The following KHDRBS2 variants were observed in gnomAD, a reference collection of about 807,000 sequenced individuals.
KHDRBS2 encodes KH domain-containing, RNA-binding, signal transduction-associated protein 2.
KHDRBS2 carries 26 observed loss-of-function variants against 44.3 expected under a neutral mutation model. The observed-to-expected ratio is 0.59, with a 90% CI of 0.43 to 0.81. The LOEUF (loss-of-function observed/expected upper bound fraction) is 0.81, where lower values mean the gene tolerates loss of function less well. Ranked by LOEUF, KHDRBS2 falls within the 40% of genes least tolerant of loss-of-function variation. The probability of loss-of-function intolerance (pLI) is 0.00; values close to 1 mark genes in which losing one functional copy is unlikely to be tolerated. For synonymous variants in KHDRBS2, 194 were observed against 151.1 expected (o/e 1.28, Z -2.08); for missense variants, 476 against 433.1 (o/e 1.10, Z -0.88).
chr6:61,982,823 T>C (rs1774139914), intron 3 of KHDRBS2, among the ~76,000 whole-genome samples: 1 of 152,138 alleles, frequency 6.6e-6, no homozygotes, highest in Admixed American at 6.5e-5. Context: ...AGGGTGATTA[T>C]AATTTGTTAT....
At chr6:61,954,373 ATGTATGCATGCATACATATATACG>A (rs1765510930) in intron 4 of KHDRBS2, among the ~76,000 whole-genome samples, 2 of 82,028 alleles carry the variant, frequency 2.4e-5, no homozygotes, top group Non-Finnish European at 3.2e-5. Context: ...ATATATACGT[ATGTATGCATGCATACATATATACG>A]TATGTATGCA....
intron 6 of KHDRBS2, among the ~76,000 whole-genome samples, chr6:61,834,834 C>G (rs552776449): frequency 6.6e-6 from 1 of 151,938 alleles, no homozygotes; most frequent in Non-Finnish European, 1.5e-5. Context: ...TTACAATTTT[C>G]GGTCAAGCTT....
chr6:61,689,313 C>T (rs1293550872), intron 8 of KHDRBS2, among the ~76,000 whole-genome samples: 1 of 151,954 alleles, frequency 6.6e-6, no homozygotes, highest in Non-Finnish European at 1.5e-5. Context: ...ATAGCACTTT[C>T]CTTTTTCCTT....
chr6:61,960,440 G>C (rs1380456542), intron 4 of KHDRBS2, among the ~76,000 whole-genome samples: 1 of 151,932 alleles, frequency 6.6e-6, no homozygotes, highest in Non-Finnish European at 1.5e-5. Flanking sequence ...TTGGTGCAGG[G>C]GGAATTTTAC....
downstream of KHDRBS2, among the ~76,000 whole-genome samples, chr6:61,676,424 T>C (rs1265674155): frequency 6.6e-6 from 1 of 151,862 alleles, no homozygotes; most frequent in Non-Finnish European, 1.5e-5. Flanking sequence ...GTCAGGGATT[T>C]ATTTTTCCCC....
At chr6:61,901,429 GA>G (rs202202725) in intron 4 of KHDRBS2, 58 bp from the exon 5 acceptor site, 109,670 of 913,296 alleles carry the variant, frequency 0.12, 33 homozygotes, top group South Asian at 0.13. Context: ...CTCAGAGTTG[GA>G]AAAAAAAAAA....
At position 61,782,677 on chromosome 6, in the gene KHDRBS2, T is replaced by A. The variant is rs562665321; in HGVS notation, c.811-49913A>T. Among the ~76,000 whole-genome samples, 36 of 143,274 alleles carry A rather than the reference T, an allele frequency of 2.5e-4. No homozygotes were observed. In the South Asian group the frequency reaches 7.1e-3, roughly 28 times the overall value. The allele number at this position is 143,274 out of a possible 152,430, so 94.0% of individuals were successfully genotyped here. On this transcript the variant is annotated intron_variant, in intron 6 of 8. Transcript: ENST00000281156. ...TAAGTATGCATTTTTTATACCTGTGTATAAAGGTTGTGTATATATATATAT... is the reference window on the plus strand; with the variant it reads ...TAAGTATGCATTTTTTATACCTGTGAATAAAGGTTGTGTATATATATATAT...
At chr6:61,700,426 A>G (rs1204134) in intron 7 of KHDRBS2, among the ~76,000 whole-genome samples, 22,458 of 149,326 alleles carry the variant, frequency 0.15, 2,257 homozygotes, top group South Asian at 0.28. Flanking sequence ...AACAGAGCAT[A>G]CTAGATATTT....
At chr6:61,894,551 C>T in intron 6 of KHDRBS2, 84 bp downstream of exon 6, 1 of 1,073,752 alleles carries the variant, frequency 9.3e-7, no homozygotes, top group Non-Finnish European at 1.4e-6. Flanking sequence ...CTGCTATATT[C>T]ACGGTATATG....
chr6:62,141,165 T>C (rs1038197306), intron 2 of KHDRBS2, among the ~76,000 whole-genome samples: 2 of 152,152 alleles, frequency 1.3e-5, no homozygotes, highest in African/African-American at 4.8e-5. Context: ...ACTTGATGAC[T>C]AATGGCAGTG....
intron 4 of KHDRBS2, among the ~76,000 whole-genome samples, chr6:61,958,389 G>A (rs1767905533): frequency 2.6e-5 from 4 of 152,108 alleles, no homozygotes; most frequent in South Asian, 2.1e-4. Flanking sequence ...GGATAAAAAT[G>A]CCCACACCCT....
At chr6:62,272,245 T>C (rs1456451775) in intron 1 of KHDRBS2, among the ~76,000 whole-genome samples, 3 of 152,190 alleles carry the variant, frequency 2.0e-5, no homozygotes, top group Admixed American at 6.6e-5. Context: ...TTTAGGTTTG[T>C]GTGAGTACAC....
chr6:61,697,289 A>C (rs145961347), intron 7 of KHDRBS2, 36 bp from the exon 8 acceptor site: 3 of 1,368,338 alleles, frequency 2.2e-6, no homozygotes, highest in African/African-American at 2.8e-5. Flanking sequence ...ATGTTACTAT[A>C]ACCAGGAAAT....
intron 6 of KHDRBS2, among the ~76,000 whole-genome samples, chr6:61,890,296 C>T (rs1394096999): frequency 1.3e-5 from 2 of 152,100 alleles, no homozygotes; most frequent in Non-Finnish European, 2.9e-5. Context: ...TAATATTTTA[C>T]TATTTTCTGT....
At chr6:61,970,011 G>A (rs1421376961) in intron 4 of KHDRBS2, among the ~76,000 whole-genome samples, 2 of 151,868 alleles carry the variant, frequency 1.3e-5, no homozygotes, top group Non-Finnish European at 2.9e-5. Context: ...AGAAAACGAA[G>A]AAAGGGAATG....
At position 62,098,796 on chromosome 6, in the gene KHDRBS2, C is replaced by A. The variant is rs577252630; in HGVS notation, c.220-50802G>T. Among the ~76,000 whole-genome samples the A allele has an allele frequency of 8.5e-4, 129 of 152,268 alleles. 1 individual carries two copies. Among genetic ancestry groups the A allele is most frequent in the African/African-American group, 3.0e-3 (123 of 41,570 alleles). ...AACATGAAAAGTTGCTATTTTGATG[C>A]TACCCAATAGTTCCTGTAGGCTTTC... On this transcript the variant is annotated intron_variant, in intron 2 of 8. Coordinates refer to ENST00000281156, the MANE Select transcript of KHDRBS2 (RefSeq NM_152688.4).
intron 6 of KHDRBS2, among the ~76,000 whole-genome samples, chr6:61,735,716 T>A (rs1176077302): frequency 6.6e-6 from 1 of 152,172 alleles, no homozygotes; most frequent in African/African-American, 2.4e-5. Flanking sequence ...GAAAGAATGT[T>A]ACATATGTGA....
chr6:62,072,593 G>A (rs1347041136), intron 2 of KHDRBS2, among the ~76,000 whole-genome samples: 1 of 152,158 alleles, frequency 6.6e-6, no homozygotes, highest in Non-Finnish European at 1.5e-5. Flanking sequence ...CATCTATTGA[G>A]ATAGTCATGT....
intron 2 of KHDRBS2, among the ~76,000 whole-genome samples, chr6:62,120,789 C>A (rs1022651654): frequency 9.2e-5 from 14 of 152,122 alleles, no homozygotes; most frequent in African/African-American, 3.4e-4. Flanking sequence ...AGTTTACAGA[C>A]CCAGAACCCC....
Sources: gnomAD v4.1 joint callset for allele counts (sites outside exome capture counted in the v4.1 genomes callset) on GRCh38, gnomAD v4.1.1 for gene constraint, MANE v1.5 for transcripts, NCBI Gene and HGNC (gene_info 2026-07-23, HGNC 2026-07-21) for gene names.